LINGO2: variants seen among roughly 807,000 people sequenced by gnomAD.
LINGO2 encodes leucine rich repeat and Ig domain containing 2, also known as leucine-rich repeat and immunoglobulin-like domain-containing nogo receptor-interacting protein 2.
A neutral mutation model predicts 30.6 loss-of-function variants in LINGO2; 14 were observed. The ratio of observed to expected loss-of-function variants is 0.46; its 90% CI spans 0.30 to 0.72. The LOEUF is 0.72. LINGO2 is among the 30% of genes least tolerant of loss of function. The pLI, the probability that LINGO2 is intolerant of heterozygous loss-of-function variation, is 0.07. For synonymous variants in LINGO2, 317 were observed against 288.5 expected (o/e 1.10, Z -1.00); for missense variants, 729 against 751.7 (o/e 0.97, Z 0.35).
chr9:28,882,666 C>A, the LINGO2 span, among the ~76,000 whole-genome samples: 4 of 152,118 alleles, frequency 2.6e-5, no homozygotes, highest in Admixed American at 2.6e-4. Context: ...ATTATCTCTA[C>A]AGTCTTGGTT....
At chr9:28,912,059 T>C in the LINGO2 span, among the ~76,000 whole-genome samples, 1 of 152,086 alleles carries the variant, frequency 6.6e-6, no homozygotes, top group Non-Finnish European at 1.5e-5. Flanking sequence ...TTTTCTAGAG[T>C]CTCTCTAATA....
At chr9:28,649,873 T>C (rs1828012531) in intron 1 of LINGO2, among the ~76,000 whole-genome samples, 1 of 152,124 alleles carries the variant, frequency 6.6e-6, no homozygotes, top group East Asian at 1.9e-4. Context: ...GCAGAAAGGC[T>C]GAACAGCCCC....
intron 1 of LINGO2, among the ~76,000 whole-genome samples, chr9:28,568,256 C>T (rs956490844): frequency 2.6e-5 from 4 of 151,980 alleles, no homozygotes; most frequent in Non-Finnish European, 4.4e-5. Flanking sequence ...TTCTCACTTA[C>T]AAGTGGGAGC....
At chr9:27,979,115 T>C (rs1446712963) in intron 5 of LINGO2, among the ~76,000 whole-genome samples, 3 of 151,980 alleles carry the variant, frequency 2.0e-5, no homozygotes, top group African/African-American at 7.2e-5. Context: ...GAAAGTATGC[T>C]TTACATTGTG....
chr9:28,333,979 T>C (rs1299297040), intron 3 of LINGO2, among the ~76,000 whole-genome samples: 1 of 152,198 alleles, frequency 6.6e-6, no homozygotes, highest in East Asian at 1.9e-4. Flanking sequence ...ACAGTAACAT[T>C]AGCAAAATTA....
chr9:27,982,339 TATACTTCAGAAGTAAATCTGTGAG>T (rs1820919653), intron 5 of LINGO2, among the ~76,000 whole-genome samples: 1 of 151,820 alleles, frequency 6.6e-6, no homozygotes, highest in Non-Finnish European at 1.5e-5. Flanking sequence ...GGAAATGAAG[TATACTTCAGAAGTAAATCTGTGAG>T]ATTTCCAAAA....
chr9:28,834,342 G>A, the LINGO2 span, among the ~76,000 whole-genome samples: 1 of 152,024 alleles, frequency 6.6e-6, no homozygotes, highest in Non-Finnish European at 1.5e-5. Flanking sequence ...TAGAGACTCT[G>A]TTACTATGGT....
the LINGO2 span, among the ~76,000 whole-genome samples, chr9:29,163,992 T>G: frequency 6.6e-6 from 1 of 152,034 alleles, no homozygotes; most frequent in Non-Finnish European, 1.5e-5. Flanking sequence ...GTGATTTCCA[T>G]GTCTAGGTCA....
At chr9:28,918,658 A>T in the LINGO2 span, among the ~76,000 whole-genome samples, 1 of 152,210 alleles carries the variant, frequency 6.6e-6, no homozygotes, top group Non-Finnish European at 1.5e-5. Context: ...TAAAATGGAA[A>T]CATCAGTGTC....
chr9:28,023,057 T>A (rs1349293415), intron 4 of LINGO2, among the ~76,000 whole-genome samples: 1 of 152,162 alleles, frequency 6.6e-6, no homozygotes, highest in Non-Finnish European at 1.5e-5. Context: ...ATTAATCATG[T>A]GTTATTGTGT....
intron 4 of LINGO2, among the ~76,000 whole-genome samples, chr9:28,095,443 A>C (rs1421323344): frequency 1.3e-5 from 2 of 152,144 alleles, no homozygotes; most frequent in African/African-American, 4.8e-5. Flanking sequence ...AAACCTGAGG[A>C]AAACAAGCAA....
At chr9:29,052,175 T>A in the LINGO2 span, among the ~76,000 whole-genome samples, 25,396 of 152,090 alleles carry the variant, frequency 0.17, 2,253 homozygotes, top group East Asian at 0.34. Context: ...TTAATCTTCA[T>A]CCAATGAATA....
intron 4 of LINGO2, among the ~76,000 whole-genome samples, chr9:28,219,176 C>A (rs940419588): frequency 6.6e-6 from 1 of 152,130 alleles, no homozygotes; most frequent in African/African-American, 2.4e-5. Flanking sequence ...TCTCTAAATT[C>A]AACTGAAGTT....
chr9:28,995,289 T>C, the LINGO2 span, among the ~76,000 whole-genome samples: 786 of 152,254 alleles, frequency 5.2e-3, 5 homozygotes, highest in African/African-American at 0.018. Flanking sequence ...TCACTGGCCA[T>C]CAGAGAAATG....
At chr9:28,845,021 A>G in the LINGO2 span, among the ~76,000 whole-genome samples, 1 of 151,880 alleles carries the variant, frequency 6.6e-6, no homozygotes, top group Non-Finnish European at 1.5e-5. Flanking sequence ...AGTTCCCTGG[A>G]TGAATCATTC....
intron 3 of LINGO2, among the ~76,000 whole-genome samples, chr9:28,296,230 AT>A (rs1823915617): frequency 1.3e-5 from 2 of 152,342 alleles, no homozygotes; most frequent in Admixed American, 1.3e-4. Flanking sequence ...TATCTGACAC[AT>A]AAACAACACT....
rs1456604155 is a variant in LINGO2, at chr9:28,042,717, C to T, written c.-86-30312G>A. ...CACTATAATCAAGATAATGTACTTG[C>T]TTCATTCATGTTCTGCAATCAATAT... is the stretch of plus-strand genomic sequence containing the variant. On this transcript the variant is annotated intron_variant, in intron 4 of 5. Transcript: ENST00000379992. 3.9e-5 allele frequency among the ~76,000 whole-genome samples: 6 copies of T among 152,194 alleles called. No homozygotes were observed. In the East Asian group the frequency reaches 7.7e-4, roughly 20 times the overall value.
intron 4 of LINGO2, among the ~76,000 whole-genome samples, chr9:28,132,625 C>A (rs1827409502): frequency 6.6e-6 from 1 of 152,206 alleles, no homozygotes; most frequent in African/African-American, 2.4e-5. Context: ...CTGCTTTATA[C>A]ATTTTTACCA....
At chr9:28,610,425 C>A (rs1041928883) in intron 1 of LINGO2, among the ~76,000 whole-genome samples, 1 of 152,068 alleles carries the variant, frequency 6.6e-6, no homozygotes, top group African/African-American at 2.4e-5. Flanking sequence ...TATGTTGAAA[C>A]GTAATCCCCA....
Sources: allele counts gnomAD v4.1 joint callset (sites outside exome capture counted in the v4.1 genomes callset), GRCh38; gene constraint gnomAD v4.1.1; transcripts MANE v1.5; gene names NCBI Gene and HGNC (gene_info 2026-07-23, HGNC 2026-07-21).